Variants in WWOX observed in about 807,000 individuals in gnomAD.
WWOX encodes the protein WW domain containing oxidoreductase.
Under a neutral mutation model 46.2 loss-of-function variants are expected in WWOX, and 69 were observed. The ratio of observed to expected loss-of-function variants is 1.49; its 90% CI spans 1.23 to 1.82. The LOEUF (loss-of-function observed/expected upper bound fraction) is 1.82. WWOX is among the 40% of genes most tolerant of loss of function. The pLI is 0.00. For missense variants in WWOX, 919 were observed against 542.6 expected, an observed-to-expected ratio of 1.69 and a Z score of -6.89; for synonymous variants, 359 against 202.6, an observed-to-expected ratio of 1.77 and a Z score of -6.56.
intron 4 of WWOX, among the ~76,000 whole-genome samples, chr16:78,130,305 G>C (rs112547224): frequency 5.0e-4 from 76 of 152,286 alleles, no homozygotes; most frequent in South Asian, 1.0e-3. Context: ...GAAGAGGATA[G>C]AAAGGTAGCT....
intron 5 of WWOX, among the ~76,000 whole-genome samples, chr16:78,263,949 G>A (rs1044616833): frequency 5.1e-5 from 7 of 138,412 alleles, no homozygotes; most frequent in East Asian, 4.7e-4. Flanking sequence ...GCCATCTCAC[G>A]ACTTTTCCCT....
At chr16:78,978,377 G>T (rs749438118) in intron 8 of WWOX, among the ~76,000 whole-genome samples, 1 of 152,122 alleles carries the variant, frequency 6.6e-6, no homozygotes, top group South Asian at 2.1e-4. Flanking sequence ...GCTGGGTCAC[G>T]CAGTAATTCT....
chr16:79,101,932 C>G lies in WWOX; in HGVS notation c.1057-109676C>G, dbSNP rs191418824. On this transcript the variant is annotated intron_variant, in intron 8 of 8. Transcript: ENST00000566780. ...CAGGGAGGTAGGAGATCCATGAGATCCAAGCTAAACAATTCTGGAAGAGTT... is the reference window on the plus strand; with the variant it reads ...CAGGGAGGTAGGAGATCCATGAGATGCAAGCTAAACAATTCTGGAAGAGTT... Among the ~76,000 whole-genome samples, 1,089 of 150,368 alleles carry G rather than the reference C, an allele frequency of 7.2e-3. 4 individuals are homozygous for G. The highest frequency in any genetic ancestry group is 0.011 in the Non-Finnish European group (754 of 67,724).
chr16:79,098,398 G>C (rs952312016), intron 8 of WWOX, among the ~76,000 whole-genome samples: 1 of 152,198 alleles, frequency 6.6e-6, no homozygotes, highest in Admixed American at 6.5e-5. Context: ...TTAACCAGCA[G>C]AAGAAAGCCC....
Position 78,352,118 on chromosome 16 carries a change from C to G in WWOX, c.517-34742C>G, listed in dbSNP as rs966472543. ...GCCCCATCTCAAGGAACAGCTGCAC[C>G]TCGGCCTATGCGATTGTGAAAATGT... On this transcript the variant is annotated intron_variant, in intron 5 of 8. Coordinates refer to ENST00000566780, the MANE Select transcript of WWOX (RefSeq NM_016373.4). 2.0e-5 allele frequency among the ~76,000 whole-genome samples: 3 copies of G among 152,328 alleles called. No individual in the cohort carries two copies. In the East Asian group the frequency reaches 5.8e-4, roughly 29 times the overall value.
chr16:78,659,843 T>C (rs868845549), intron 8 of WWOX, among the ~76,000 whole-genome samples: 2 of 152,166 alleles, frequency 1.3e-5, no homozygotes, highest in Non-Finnish European at 2.9e-5. Flanking sequence ...AGCATGACTC[T>C]CCTTACACAT....
At position 78,342,586 on chromosome 16, in the gene WWOX, G is replaced by T. The variant is rs564731626; in HGVS notation, c.517-44274G>T. Among the ~76,000 whole-genome samples, 4 of 120,520 alleles carry T rather than the reference G, an allele frequency of 3.3e-5. 1 individual carries two copies. The highest frequency in any genetic ancestry group is 7.9e-5 in the Non-Finnish European group (4 of 50,486). 79.1% of individuals were successfully genotyped at this position (120,520 alleles called of 152,430 possible). On this transcript the variant is annotated intron_variant, in intron 5 of 8. Coordinates refer to ENST00000566780, the MANE Select transcript of WWOX (RefSeq NM_016373.4). The stretch of plus-strand genomic sequence containing the variant: ...ACATGGGTGTTGGGAGAGCACTAAA[G>T]GTCTCTAGCCCAGAAGCATGACTTC...
intron 8 of WWOX, among the ~76,000 whole-genome samples, chr16:79,025,993 T>A (rs1597294658): frequency 1.3e-5 from 2 of 149,812 alleles, no homozygotes; most frequent in African/African-American, 5.1e-5. Flanking sequence ...TAGAGATGGG[T>A]TTTAGCCATG....
At chr16:78,518,369 C>G (rs913588874) in intron 8 of WWOX, among the ~76,000 whole-genome samples, 6 of 151,952 alleles carry the variant, frequency 3.9e-5, no homozygotes, top group Non-Finnish European at 8.8e-5. Context: ...GTAGCTGGGA[C>G]TATAGGCACC....
chr16:78,777,570 G>A (rs186623884), intron 8 of WWOX, among the ~76,000 whole-genome samples: 22 of 152,230 alleles, frequency 1.4e-4, no homozygotes, highest in East Asian at 3.9e-4. Flanking sequence ...CAGTCCCAGC[G>A]TGGTATAATA....
chr16:78,829,554 AT>A (rs558220795), intron 8 of WWOX, among the ~76,000 whole-genome samples: 30 of 149,362 alleles, frequency 2.0e-4, no homozygotes, highest in Admixed American at 4.0e-4. Flanking sequence ...GACACCTACA[AT>A]TTTTTTTTTG....
Position 78,257,640 on chromosome 16 carries a change from G to A in WWOX, c.516+93351G>A, listed in dbSNP as rs532671935. ...CAAGGAATGGAATCTGATGTCTACC[G>A]CAGCGGTTTTTTCCATCTCCATTCC... On this transcript the variant is annotated intron_variant, in intron 5 of 8. Transcript: ENST00000566780. 5.3e-5 allele frequency among the ~76,000 whole-genome samples: 8 copies of A among 152,138 alleles called. No individual in the cohort carries two copies. In the South Asian group the frequency reaches 1.5e-3, roughly 28 times the overall value.
chr16:78,923,148 A>AT, intron 8 of WWOX, among the ~76,000 whole-genome samples: 1 of 151,640 alleles, frequency 6.6e-6, no homozygotes, highest in East Asian at 1.9e-4. Context: ...TGCCAGGCTA[A>AT]TTTTGTATTT....
chr16:78,431,645 A>G (rs1341147253), intron 7 of WWOX, among the ~76,000 whole-genome samples: 7 of 150,260 alleles, frequency 4.7e-5, no homozygotes, highest in Middle Eastern at 3.5e-3. Context: ...GGACTGCTAC[A>G]TTTATGAGTG....
At chr16:78,900,772 T>C (rs1008875828) in intron 8 of WWOX, among the ~76,000 whole-genome samples, 1 of 151,938 alleles carries the variant, frequency 6.6e-6, no homozygotes, top group Admixed American at 6.6e-5. Flanking sequence ...ATAGTGGTCA[T>C]GCTAACGTAA....
At chr16:78,866,002 G>A (rs2043995398) in intron 8 of WWOX, among the ~76,000 whole-genome samples, 1 of 152,168 alleles carries the variant, frequency 6.6e-6, no homozygotes, top group African/African-American at 2.4e-5. Context: ...TACGCAGAAA[G>A]GGAAGCAGTT....
intron 8 of WWOX, among the ~76,000 whole-genome samples, chr16:78,599,134 G>T (rs183708483): frequency 2.6e-5 from 4 of 152,246 alleles, no homozygotes; most frequent in East Asian, 1.9e-4. Flanking sequence ...AAACTCCAGG[G>T]GTTGCTGATG....
At chr16:78,949,850 A>G (rs1215859607) in intron 8 of WWOX, among the ~76,000 whole-genome samples, 1 of 152,226 alleles carries the variant, frequency 6.6e-6, no homozygotes, top group East Asian at 1.9e-4. Flanking sequence ...GTCACTCCAC[A>G]TCTTTGTAAC....
intron 8 of WWOX, chr16:79,203,727 CTGTT>C (rs1036897813): frequency 2.0e-5 from 3 of 152,122 alleles, no homozygotes; most frequent in African/African-American, 7.2e-5. Flanking sequence ...AAGGGAGAAG[CTGTT>C]TGTTTTACCT....
Sources: allele counts gnomAD v4.1 joint callset (sites outside exome capture counted in the v4.1 genomes callset), GRCh38; gene constraint gnomAD v4.1.1; transcripts MANE v1.5; gene names NCBI Gene and HGNC (gene_info 2026-07-23, HGNC 2026-07-21).